Variants in FNBP1L observed in about 807,000 individuals in gnomAD.
FNBP1L encodes the protein formin-binding protein 1-like.
A neutral mutation model predicts 91.2 loss-of-function variants in FNBP1L; 36 were observed. The observed-to-expected ratio is 0.39, with a 90% CI of 0.30 to 0.52. The LOEUF (loss-of-function observed/expected upper bound fraction) is 0.52, where lower values mean the gene tolerates loss of function less well. Among genes scored for constraint, FNBP1L ranks in the 20% least tolerant of loss-of-function variants. The pLI, the probability that FNBP1L is intolerant of heterozygous loss-of-function variation, is 0.66. For missense variants in FNBP1L, 571 were observed against 732.1 expected, an observed-to-expected ratio of 0.78 and a Z score of 2.54; for synonymous variants, 242 against 237.0, an observed-to-expected ratio of 1.02 and a Z score of -0.19.
chr1:93,516,823 G>C (rs146643136), intron 2 of FNBP1L, among the ~76,000 whole-genome samples: 382 of 152,140 alleles, frequency 2.5e-3, no homozygotes, highest in Non-Finnish European at 4.3e-3. Context: ...CAAAACCATT[G>C]AACTTAAAAG....
chr1:93,491,780 T>C (rs557014959), intron 1 of FNBP1L, among the ~76,000 whole-genome samples: 15 of 152,230 alleles, frequency 9.9e-5, no homozygotes, highest in Admixed American at 2.6e-4. Flanking sequence ...TTAAATATAC[T>C]TAACACAATT....
chr1:93,545,930 G>A (rs574500368), intron 12 of FNBP1L, among the ~76,000 whole-genome samples: 64 of 152,020 alleles, frequency 4.2e-4, no homozygotes, highest in African/African-American at 1.5e-3. Context: ...TAAAGATTTT[G>A]TTTATGTTGA....
chr1:93,497,460 T>C (rs903607632), intron 1 of FNBP1L, among the ~76,000 whole-genome samples: 5 of 152,202 alleles, frequency 3.3e-5, no homozygotes, highest in African/African-American at 9.7e-5. Context: ...TATATCTTTA[T>C]GTGGTGTCTT....
At chr1:93,521,069 C>G (rs1570840527) in intron 2 of FNBP1L, among the ~76,000 whole-genome samples, 1 of 151,836 alleles carries the variant, frequency 6.6e-6, no homozygotes, top group East Asian at 1.9e-4. Flanking sequence ...ACCAACCAAC[C>G]AACCAACCAA....
At chr1:93,489,707 C>A (rs1010151202) in intron 1 of FNBP1L, among the ~76,000 whole-genome samples, 2 of 152,018 alleles carry the variant, frequency 1.3e-5, no homozygotes, top group Non-Finnish European at 2.9e-5. Context: ...TTTAAAAAAA[C>A]AACACCATGA....
At chr1:93,454,314 TTGTGTGTGTGTATGGGTGTGTCTG>T (rs1668585913) in intron 1 of FNBP1L, among the ~76,000 whole-genome samples, 1 of 145,886 alleles carries the variant, frequency 6.9e-6, no homozygotes, top group East Asian at 2.1e-4. Context: ...CATGAACCTC[TTGTGTGTGTGTATGGGTGTGTCTG>T]TGTGTGTGTG....
intron 2 of FNBP1L, among the ~76,000 whole-genome samples, chr1:93,509,094 G>T (rs529163565): frequency 6.6e-6 from 1 of 152,116 alleles, no homozygotes; most frequent in African/African-American, 2.4e-5. Flanking sequence ...TGTGGTCACC[G>T]TGACCACAGG....
intron 12 of FNBP1L, among the ~76,000 whole-genome samples, chr1:93,546,149 G>T (rs1389163880): frequency 6.6e-6 from 1 of 152,032 alleles, no homozygotes; most frequent in Non-Finnish European, 1.5e-5. Context: ...CACATTTAAA[G>T]GTTGAACAAA....
At chr1:93,504,312 T>A (rs1670534718) in intron 2 of FNBP1L, among the ~76,000 whole-genome samples, 1 of 152,174 alleles carries the variant, frequency 6.6e-6, no homozygotes. Flanking sequence ...TGTACATCAT[T>A]GTGTCTGCTA....
At chr1:93,512,255 C>T (rs1316970012) in intron 2 of FNBP1L, among the ~76,000 whole-genome samples, 1 of 152,026 alleles carries the variant, frequency 6.6e-6, no homozygotes, top group Non-Finnish European at 1.5e-5. Flanking sequence ...AATACAGGAG[C>T]ACCCAGATTC....
At chr1:93,512,278 C>T (rs12239561) in intron 2 of FNBP1L, among the ~76,000 whole-genome samples, 72,012 of 151,576 alleles carry the variant, frequency 0.48, 20,491 homozygotes, top group Non-Finnish European at 0.61. Context: ...AAAGCAAGTC[C>T]TGAGTGACCT....
At chr1:93,535,116 A>G (rs548407914) in intron 9 of FNBP1L, among the ~76,000 whole-genome samples, 5 of 152,288 alleles carry the variant, frequency 3.3e-5, no homozygotes, top group African/African-American at 1.2e-4. Flanking sequence ...AATAATGGGT[A>G]AGAGTATTAA....
intron 1 of FNBP1L, among the ~76,000 whole-genome samples, chr1:93,492,737 T>C (rs1424333626): frequency 6.6e-6 from 1 of 152,070 alleles, no homozygotes; most frequent in African/African-American, 2.4e-5. Context: ...TGCAGTGAGC[T>C]ATGATGGTGC....
At position 93,450,147 on chromosome 1, in the gene FNBP1L, A is replaced by G. The variant is rs527531289; in HGVS notation, c.24+1842A>G. On this transcript the variant is annotated intron_variant, in intron 1 of 16. Coordinates refer to ENST00000271234, the MANE Select transcript of FNBP1L (RefSeq NM_001164473.3). ...GTTTTAAGGAAAAACATTTTAGTGA[A>G]TAATAAAATGTGATTTTAAAAGTTT... Among the ~76,000 whole-genome samples, 44 of 152,322 alleles carry G rather than the reference A, an allele frequency of 2.9e-4. No homozygotes were observed. The South Asian group carries it at 4.3e-3, about 15-fold the overall frequency.
rs1557823610 is a variant in FNBP1L, at chr1:93,549,382, C to T, written c.1607C>T (p.Pro536Leu). The change falls in exon 15 of 17, where the codon CCC becomes CTC. Residue 536 changes from proline (P) to leucine (L), a missense_variant. By Grantham distance (98) the Pro-to-Leu change is moderately conservative. Transcript: ENST00000271234. The stretch of plus-strand genomic sequence containing the variant: ...GATGATGAATTTGAGGATGATGATC[C>T]CTTGCCTGCTATTGGACACTGCAAA... ...EFDDEFEDDD[P>L]LPAIGHCKAI... 1 of 1,611,990 alleles carries T rather than the reference C, an allele frequency of 6.2e-7. No homozygotes were observed. The highest frequency in any genetic ancestry group is 8.5e-7 in the Non-Finnish European group (1 of 1,179,152).
At chr1:93,454,252 G>A (rs1265818839) in intron 1 of FNBP1L, among the ~76,000 whole-genome samples, 1 of 152,124 alleles carries the variant, frequency 6.6e-6, no homozygotes, top group African/African-American at 2.4e-5. Context: ...AGTGATGAAG[G>A]GTAGACTGGA....
chr1:93,552,603 A>G lies in FNBP1L; in HGVS notation c.*187A>G, dbSNP rs1362180209. 3.9e-6 allele frequency: 2 copies of G among 508,274 alleles called. No homozygotes were observed. The highest frequency in any genetic ancestry group is 6.8e-6 in the Non-Finnish European group (2 of 295,618). The allele number at this position is 508,274 out of a possible 1,614,324, so 31.5% of individuals were successfully genotyped here. On this transcript the variant is annotated 3_prime_UTR_variant, in exon 17 of 17. Coordinates refer to ENST00000271234, the MANE Select transcript of FNBP1L (RefSeq NM_001164473.3). ...ATACATTGTTTTTAAAAATCATAAT[A>G]CCAACCCTTAAGTTCCTAGTTCACA...
chr1:93,464,731 ATAACT>A (rs1274349583), intron 1 of FNBP1L, among the ~76,000 whole-genome samples: 2 of 152,180 alleles, frequency 1.3e-5, no homozygotes, highest in African/African-American at 2.4e-5. Flanking sequence ...TTATTACCTA[ATAACT>A]TAAATACCTA....
chr1:93,512,486 A>C (rs1203960819), intron 2 of FNBP1L, among the ~76,000 whole-genome samples: 1 of 152,028 alleles, frequency 6.6e-6, no homozygotes, highest in East Asian at 1.9e-4. Flanking sequence ...TCAGCACCAC[A>C]CCACACCTAT....
Sources: gnomAD v4.1 joint callset for allele counts (sites outside exome capture counted in the v4.1 genomes callset) on GRCh38, gnomAD v4.1.1 for gene constraint, MANE v1.5 for transcripts, NCBI Gene and HGNC (gene_info 2026-07-23, HGNC 2026-07-21) for gene names.